Variants in TRPM7 observed in about 807,000 individuals in gnomAD.
TRPM7 encodes transient receptor potential cation channel subfamily M member 7.
In TRPM7, 134 loss-of-function variants were observed where a neutral mutation model predicts 229.7. That is an observed-to-expected ratio of 0.58 (90% CI 0.51 to 0.67). TRPM7 has a LOEUF of 0.67. Ranked by LOEUF, TRPM7 falls within the 30% of genes least tolerant of loss-of-function variation. The pLI is 0.00. For missense variants in TRPM7, 1,901 were observed against 2,210.0 expected (o/e 0.86, Z 2.80); for synonymous variants, 699 against 715.2 (o/e 0.98, Z 0.36).
In TRPM7 at chr15:50,591,848, C is replaced by G. The variant is rs574236262; in HGVS notation, c.4324+63G>C. 3.9e-5 allele frequency: 46 copies of G among 1,182,322 alleles called. 2 individuals carry two copies. The South Asian group carries it at 7.8e-4, about 20-fold the overall frequency. 73.2% of individuals were successfully genotyped at this position (1,182,322 alleles called of 1,614,324 possible). A position where few individuals can be genotyped will look rare whatever the true frequency, so the allele number is the denominator to read the frequency against. On this transcript the variant is annotated intron_variant, in intron 26 of 38. Coordinates refer to ENST00000646667, the MANE Select transcript of TRPM7 (RefSeq NM_017672.6). ...TAATGACTTGTAACAGTACATATTT[C>G]TATTATTTCTAAGGTGAAAAGTAAA...
intron 36 of TRPM7, among the ~76,000 whole-genome samples, chr15:50,572,441 T>C (rs748320742): frequency 6.6e-4 from 100 of 152,246 alleles, no homozygotes; most frequent in Non-Finnish European, 1.6e-4. Flanking sequence ...TTTTTAACAA[T>C]AAGGTATTTT....
chr15:50,656,407 C>T (rs1191176666), intron 3 of TRPM7, among the ~76,000 whole-genome samples: 1 of 152,032 alleles, frequency 6.6e-6, no homozygotes, highest in Non-Finnish European at 1.5e-5. Context: ...CCAAACGATC[C>T]TCCCGGCTCC....
intron 5 of TRPM7, among the ~76,000 whole-genome samples, chr15:50,640,784 T>C (rs8042172): frequency 0.18 from 27,624 of 151,932 alleles, 3,243 homozygotes; most frequent in East Asian, 0.46. Context: ...GGTGCTCTTA[T>C]AAAGAAATCT....
intron 1 of TRPM7, among the ~76,000 whole-genome samples, chr15:50,667,627 A>C (rs2061913414): frequency 6.6e-6 from 1 of 152,210 alleles, no homozygotes; most frequent in African/African-American, 2.4e-5. Flanking sequence ...GAATCGCTTG[A>C]ACCCAGGAGG....
rs922811376 is a variant in TRPM7, at chr15:50,605,029, C to T, written c.2825G>A (p.Arg942Lys). The T allele has an allele frequency of 6.2e-7, 1 of 1,613,772 alleles. No individual in the cohort carries two copies. The highest frequency in any genetic ancestry group is 1.3e-5 in the African/African-American group (1 of 74,916). Residue 942 changes from arginine to lysine, a missense_variant, in exon 21 of 39, where the codon AGA becomes AAA. Transcript: ENST00000646667. ...TGCAAAGTTCCATTTTGCTCCAAAT[C>T]TTAGTCCAAATCCAATGAAGAAAGA... ...IISFFIGFGL[R>K]FGAKWNFANA...
intron 20 of TRPM7, among the ~76,000 whole-genome samples, chr15:50,606,974 C>T (rs1195998136): frequency 6.6e-6 from 1 of 152,156 alleles, no homozygotes; most frequent in African/African-American, 2.4e-5. Flanking sequence ...GGCTACATTT[C>T]TAACACAAAT....
chr15:50,585,546 A>C (rs572899953), intron 28 of TRPM7, among the ~76,000 whole-genome samples: 11 of 152,204 alleles, frequency 7.2e-5, no homozygotes, highest in African/African-American at 2.7e-4. Flanking sequence ...ATGTTAACCA[A>C]ATCAGCTGTT....
chr15:50,678,726 T>C (rs2062160802), intron 1 of TRPM7, among the ~76,000 whole-genome samples: 1 of 151,834 alleles, frequency 6.6e-6, no homozygotes, highest in Non-Finnish European at 1.5e-5. Context: ...GGTAGAAAAG[T>C]TCTATATATT....
At chr15:50,652,166 C>G (rs147063248) in intron 3 of TRPM7, among the ~76,000 whole-genome samples, 1 of 150,884 alleles carries the variant, frequency 6.6e-6, no homozygotes, top group Non-Finnish European at 1.5e-5. Context: ...AATCCTGTCT[C>G]TACTAAAAAT....
chr15:50,663,063 TA>T lies in TRPM7; in HGVS notation c.4-18del. 6.3e-7 allele frequency: 1 copy of T among 1,591,318 alleles called. No homozygotes were observed. The highest frequency in any genetic ancestry group is 1.1e-5 in the South Asian group (1 of 90,326). ...TTTCTGGGACTAAAACAAAATGTTTTAAAGAATTGTTTATAAGTTAACCCAC... is the reference window on the plus strand; with the variant it reads ...TTTCTGGGACTAAAACAAAATGTTTTAAGAATTGTTTATAAGTTAACCCAC... On this transcript the variant is annotated intron_variant, in intron 1 of 38. Transcript: ENST00000646667.
At chr15:50,670,843 G>A (rs150821328) in intron 1 of TRPM7, among the ~76,000 whole-genome samples, 6 of 150,238 alleles carry the variant, frequency 4.0e-5, no homozygotes, top group Non-Finnish European at 8.9e-5. Flanking sequence ...AATAATAAGA[G>A]GATACTATCA....
At chr15:50,631,302 T>A (rs1363592741) in intron 10 of TRPM7, 115 bp downstream of exon 10, 1 of 466,382 alleles carries the variant, frequency 2.1e-6, no homozygotes, top group Non-Finnish European at 3.7e-6. Context: ...TTGCAAGCAT[T>A]TAGCCATGGT....
At chr15:50,629,219 T>C (rs2060652781) in intron 10 of TRPM7, among the ~76,000 whole-genome samples, 1 of 150,984 alleles carries the variant, frequency 6.6e-6, no homozygotes, top group East Asian at 1.9e-4. Flanking sequence ...CCATCCACCA[T>C]GGGAGGGGTA....
intron 1 of TRPM7, among the ~76,000 whole-genome samples, chr15:50,675,082 C>T (rs2062064649): frequency 6.6e-6 from 1 of 152,208 alleles, no homozygotes; most frequent in Admixed American, 6.5e-5. Flanking sequence ...GTGGCTCATG[C>T]CTGTTATCCC....
chr15:50,669,987 T>A (rs966441690), intron 1 of TRPM7, among the ~76,000 whole-genome samples: 1 of 152,218 alleles, frequency 6.6e-6, no homozygotes, highest in Non-Finnish European at 1.5e-5. Context: ...TGTATAGGAA[T>A]GCAGGATAAG....
intron 21 of TRPM7, among the ~76,000 whole-genome samples, chr15:50,602,924 C>A (rs1018947617): frequency 1.3e-5 from 2 of 152,178 alleles, no homozygotes; most frequent in African/African-American, 4.8e-5. Flanking sequence ...CCTAACTCTT[C>A]CATTTACATT....
rs1445461670 is a variant in TRPM7, at chr15:50,560,000, G to A, written c.*1678C>T. ...TGCACTCCAGCCCAAGCAACAGAGC[G>A]AGACTCCGTCTCAAAAAAAAAAAAA... On this transcript the variant is annotated 3_prime_UTR_variant, in exon 39 of 39. Coordinates refer to ENST00000646667, the MANE Select transcript of TRPM7 (RefSeq NM_017672.6). The A allele has an allele frequency of 7.7e-6, 1 of 129,142 alleles. No individual in the cohort carries two copies. The highest frequency in any genetic ancestry group is 1.6e-5 in the Non-Finnish European group (1 of 63,540). 8.0% of individuals were successfully genotyped at this position (129,142 alleles called of 1,614,324 possible).
chr15:50,671,567 G>A (rs2061987310), intron 1 of TRPM7, among the ~76,000 whole-genome samples: 1 of 152,098 alleles, frequency 6.6e-6, no homozygotes, highest in African/African-American at 2.4e-5. Flanking sequence ...ACCTTGCCGT[G>A]GGAGGAGGAG....
chr15:50,585,439 G>T (rs1391583706), intron 28 of TRPM7, among the ~76,000 whole-genome samples: 1 of 152,136 alleles, frequency 6.6e-6, no homozygotes, highest in Non-Finnish European at 1.5e-5. Context: ...TCCTTGTCTT[G>T]CTCCCCATCT....
Sources: gnomAD v4.1 joint callset for allele counts (sites outside exome capture counted in the v4.1 genomes callset) on GRCh38, gnomAD v4.1.1 for gene constraint, MANE v1.5 for transcripts, NCBI Gene and HGNC (gene_info 2026-07-23, HGNC 2026-07-21) for gene names.